Variants in CDH17 observed in about 807,000 individuals in gnomAD.
The protein encoded by CDH17 is cadherin 17.
In CDH17, 67 loss-of-function variants were observed where a neutral mutation model predicts 86.3. The observed-to-expected ratio is 0.78, with a 90% CI of 0.64 to 0.95. CDH17 has a LOEUF of 0.95. Ranked by LOEUF, CDH17 falls within the 40% of genes least tolerant of loss-of-function variation. CDH17 has a pLI of 0.00. For synonymous variants in CDH17, 367 were observed against 366.4 expected, an observed-to-expected ratio of 1.00 and a Z score of -0.02; for missense variants, 993 against 1,017.6, an observed-to-expected ratio of 0.98 and a Z score of 0.33.
chr8:94,203,150 CA>C (rs1233596452), intron 1 of CDH17: 1 of 156,686 alleles, frequency 6.4e-6, no homozygotes, highest in African/African-American at 2.4e-5. Context: ...TCCAGATTTA[CA>C]AGTCAACACA....
chr8:94,216,806 G>A (rs1159078191), intron 1 of CDH17, among the ~76,000 whole-genome samples: 1 of 152,086 alleles, frequency 6.6e-6, no homozygotes, highest in Non-Finnish European at 1.5e-5. Flanking sequence ...GTTTTTCTCA[G>A]TACAAATAAG....
At position 94,146,112 on chromosome 8, in the gene CDH17, A is replaced by G. The variant is rs555077257; in HGVS notation, c.1983T>C (p.Asn661=). The G allele has an allele frequency of 8.7e-6, 14 of 1,611,808 alleles. No individual in the cohort carries two copies. The East Asian group carries it at 1.3e-4, about 15-fold the overall frequency. ...SEFHLILMDV[N]DNPPRLAKDY... ...CCTTGGCTAGCCTGGGAGGGTTGTCATTCACATCCATAAGGATCAGGTGGA... is the reference window on the plus strand; with the variant it reads ...CCTTGGCTAGCCTGGGAGGGTTGTCGTTCACATCCATAAGGATCAGGTGGA... Residue 661 remains asparagine (N), a synonymous_variant, in exon 15 of 18, where the codon AAT becomes AAC. Coordinates refer to ENST00000027335, the MANE Select transcript of CDH17 (RefSeq NM_004063.4).
Position 94,173,831 on chromosome 8 carries a change from T to A in CDH17, c.749A>T (p.Asn250Ile). Residue 250 changes from asparagine to isoleucine, a missense_variant, in exon 7 of 18, where the codon AAC becomes ATC. Physicochemically the swap from Asn to Ile is moderately radical, Grantham distance 149. Transcript: ENST00000027335. ...KAPKPVEMVENSTDPHPIKIT... is the reference protein window; with the variant it reads ...KAPKPVEMVEISTDPHPIKIT... The stretch of plus-strand genomic sequence containing the variant: ...TTTGATGGGGTGAGGATCAGTTGAG[T>A]TTTCCACCATCTCCACAGGTTTTGG... 1 of 1,613,730 alleles carries A rather than the reference T, an allele frequency of 6.2e-7. No individual in the cohort carries two copies. The highest frequency in any genetic ancestry group is 1.7e-4 in the Middle Eastern group (1 of 6,058).
intron 2 of CDH17, among the ~76,000 whole-genome samples, chr8:94,189,696 CTT>C (rs1233419945): frequency 2.6e-5 from 4 of 152,202 alleles, no homozygotes; most frequent in Non-Finnish European, 4.4e-5. Context: ...TCCCTCCACT[CTT>C]TTTATTTTAT....
At position 94,176,778 on chromosome 8, in the gene CDH17, C is replaced by T. The variant is rs1287894367; in HGVS notation, c.286-99G>A. 1.1e-5 allele frequency: 13 copies of T among 1,210,062 alleles called. No homozygotes were observed. In the East Asian group the frequency reaches 2.9e-4, roughly 27 times the overall value. 75.0% of individuals were successfully genotyped at this position (1,210,062 alleles called of 1,614,324 possible). A position where few individuals can be genotyped will look rare whatever the true frequency, so the allele number is the denominator to read the frequency against. Reference sequence around the variant, plus strand: ...AAATTAGAACTCAAAGAACCAATGGCCTGGTGACTGTAGGAGAGAAAGAAC... The same window carrying T: ...AAATTAGAACTCAAAGAACCAATGGTCTGGTGACTGTAGGAGAGAAAGAAC... On this transcript the variant is annotated intron_variant, in intron 4 of 17. Coordinates refer to ENST00000027335, the MANE Select transcript of CDH17 (RefSeq NM_004063.4).
intron 12 of CDH17, among the ~76,000 whole-genome samples, chr8:94,156,263 G>A (rs549629964): frequency 3.0e-4 from 45 of 152,328 alleles, no homozygotes; most frequent in African/African-American, 6.7e-4. Flanking sequence ...TTTCACTAGC[G>A]ATCACTGATG....
At position 94,165,874 on chromosome 8, in the gene CDH17, A is replaced by G; in HGVS notation, c.1169T>C (p.Met390Thr). Reference sequence around the variant, plus strand: ...GGTTTGGATTAGGAAGAGTCCATCCATGGGAAGTTTGGGAGTTTGCTCCAC... The same window carrying G: ...GGTTTGGATTAGGAAGAGTCCATCCGTGGGAAGTTTGGGAGTTTGCTCCAC... The part of the protein sequence containing the change: ...RIVEQTPKLP[M>T]DGLFLIQTYA... Residue 390 changes from methionine (M) to threonine (T), a missense_variant, in exon 10 of 18, where the codon ATG (methionine) becomes ACG (threonine). By Grantham distance (81) the Met-to-Thr change is moderately conservative. Coordinates refer to ENST00000027335, the MANE Select transcript of CDH17 (RefSeq NM_004063.4). 1 of 1,613,762 alleles carries G rather than the reference A, an allele frequency of 6.2e-7. No individual in the cohort carries two copies. Among genetic ancestry groups the G allele is most frequent in the Non-Finnish European group, 8.5e-7 (1 of 1,179,722 alleles).
chr8:94,208,014 T>C (rs1282692056), intron 1 of CDH17, among the ~76,000 whole-genome samples: 1 of 152,208 alleles, frequency 6.6e-6, no homozygotes, highest in African/African-American at 2.4e-5. Flanking sequence ...TGCTGTGTCC[T>C]AGACAATTCT....
intron 2 of CDH17, among the ~76,000 whole-genome samples, chr8:94,190,781 G>T (rs1420515952): frequency 1.3e-5 from 2 of 152,210 alleles, no homozygotes. Flanking sequence ...CATGGAAACT[G>T]CTCCCTGCTG....
chr8:94,172,894 A>G (rs1813296358), intron 7 of CDH17, among the ~76,000 whole-genome samples: 1 of 152,116 alleles, frequency 6.6e-6, no homozygotes, highest in African/African-American at 2.4e-5. Context: ...GGGAGTTTCC[A>G]AGGGGAAAGG....
intron 2 of CDH17, 126 bp downstream of exon 2, chr8:94,194,509 A>C: frequency 1.4e-6 from 1 of 706,488 alleles, no homozygotes; most frequent in Admixed American, 2.7e-5. Flanking sequence ...CATTCTATAC[A>C]ACAACTTAAT....
At position 94,174,149 on chromosome 8, in the gene CDH17, T is replaced by C; in HGVS notation, c.536A>G (p.Tyr179Cys). Residue 179 changes from tyrosine to cysteine, a missense_variant, in exon 6 of 18, where the codon TAC becomes TGC. Tyr to Cys is a radical substitution (Grantham distance 194, BLOSUM62 -2). Coordinates refer to ENST00000027335, the MANE Select transcript of CDH17 (RefSeq NM_004063.4). ...TCCCGTTTTGTTGTTGATCTGAAAG[T>C]ACATGACATTGTTGATCATGGGAAG... ...IQLPMINNVM[Y>C]FQINNKTGAI... 6.2e-7 allele frequency: 1 copy of C among 1,613,790 alleles called. No individual in the cohort carries two copies. The highest frequency in any genetic ancestry group is 8.5e-7 in the Non-Finnish European group (1 of 1,179,816).
intron 17 of CDH17, among the ~76,000 whole-genome samples, chr8:94,129,823 A>G (rs1812373947): frequency 6.6e-6 from 1 of 152,182 alleles, no homozygotes; most frequent in South Asian, 2.1e-4. Flanking sequence ...CATACACAAT[A>G]TTATTTAAAA....
chr8:94,173,147 G>T (rs757765365), intron 7 of CDH17, among the ~76,000 whole-genome samples: 9 of 152,194 alleles, frequency 5.9e-5, no homozygotes, highest in Non-Finnish European at 8.8e-5. Context: ...CTTTTAAGGT[G>T]AGGGTGAGTG....
Position 94,148,835 on chromosome 8 carries a change from A to C in CDH17, c.1836T>G (p.Ile612Met). 6.2e-7 allele frequency: 1 copy of C among 1,610,448 alleles called. No individual in the cohort carries two copies. The highest frequency in any genetic ancestry group is 8.5e-7 in the Non-Finnish European group (1 of 1,178,784). The stretch of plus-strand genomic sequence containing the variant: ...TAAAGATCTCACCAGTCACGTGGTC[A>C]ATTTTAAGCCAACCTCTTGTGTCTC... ...LRGDTRGWLK[I>M]DHVTGEIFSV... is the part of the protein sequence containing the mutation. The change falls in exon 14 of 18, where the codon ATT (isoleucine) becomes ATG (methionine). Residue 612 changes from isoleucine (I) to methionine (M), a missense_variant. Ile to Met is a conservative substitution (Grantham distance 10). Transcript: ENST00000027335.
intron 14 of CDH17, among the ~76,000 whole-genome samples, chr8:94,148,523 CAG>C (rs1395967496): frequency 9.3e-6 from 1 of 107,980 alleles, no homozygotes; most frequent in East Asian, 2.8e-4. Flanking sequence ...GCCTGGGCAA[CAG>C]AGCAAGACTC....
At position 94,170,559 on chromosome 8, in the gene CDH17, A is replaced by G; in HGVS notation, c.916-12T>C. ...GCATAAAAAACATACTACAACAGGAAAGTCAGAGTTAAGGCAAGACTCACC... is the reference window on the plus strand; with the variant it reads ...GCATAAAAAACATACTACAACAGGAGAGTCAGAGTTAAGGCAAGACTCACC... On this transcript the variant is annotated splice_polypyrimidine_tract_variant and intron_variant, in intron 8 of 17. Coordinates refer to ENST00000027335, the MANE Select transcript of CDH17 (RefSeq NM_004063.4). 1 of 1,613,204 alleles carries G rather than the reference A, an allele frequency of 6.2e-7. No individual in the cohort carries two copies. The highest frequency in any genetic ancestry group is 2.2e-5 in the East Asian group (1 of 44,796).
intron 16 of CDH17, 24 bp from the exon 17 acceptor site, chr8:94,130,763 T>C (rs780779072): frequency 4.5e-5 from 71 of 1,587,744 alleles, no homozygotes; most frequent in Non-Finnish European, 3.7e-5. Context: ...CAGTATTTGG[T>C]AGGATAAATT....
At chr8:94,182,976 A>G (rs1334152881) in intron 3 of CDH17, among the ~76,000 whole-genome samples, 1 of 152,098 alleles carries the variant, frequency 6.6e-6, no homozygotes, top group Non-Finnish European at 1.5e-5. Context: ...ATAGCAACCC[A>G]AAAATGATAT....
Sources: allele counts gnomAD v4.1 joint callset (sites outside exome capture counted in the v4.1 genomes callset), GRCh38; gene constraint gnomAD v4.1.1; transcripts MANE v1.5; gene names NCBI Gene and HGNC (gene_info 2026-07-23, HGNC 2026-07-21).